Variants in ANO3 observed in about 807,000 individuals in gnomAD.
ANO3 encodes anoctamin-3.
A neutral mutation model predicts 144.8 loss-of-function variants in ANO3; 99 were observed. That is an observed-to-expected ratio of 0.68 (90% confidence interval 0.58 to 0.81). The LOEUF (loss-of-function observed/expected upper bound fraction) is 0.81, where lower values mean the gene tolerates loss of function less well. ANO3 is among the 30% of genes least tolerant of loss of function. The pLI, the probability that ANO3 is intolerant of heterozygous loss-of-function variation, is 0.00. For synonymous variants in ANO3, 414 were observed against 392.6 expected, an observed-to-expected ratio of 1.05 and a Z score of -0.64; for missense variants, 905 against 1,202.2, an observed-to-expected ratio of 0.75 and a Z score of 3.66.
At chr11:26,200,845 T>TA (rs1564914385) in intron 1 of ANO3, among the ~76,000 whole-genome samples, 1 of 152,170 alleles carries the variant, frequency 6.6e-6, no homozygotes, top group Non-Finnish European at 1.5e-5. Flanking sequence ...CAGAAATTTT[T>TA]AAAAAATTAT....
At chr11:26,243,593 C>T (rs998730217) in intron 1 of ANO3, among the ~76,000 whole-genome samples, 15 of 152,114 alleles carry the variant, frequency 9.9e-5, no homozygotes, top group African/African-American at 3.6e-4. Flanking sequence ...GAAAGTTCCC[C>T]ATTATGATTT....
chr11:26,630,635 C>A (rs1852746298), intron 18 of ANO3, among the ~76,000 whole-genome samples: 1 of 152,050 alleles, frequency 6.6e-6, no homozygotes. Context: ...AACTCTCTGC[C>A]CCTCATTGTT....
At chr11:26,387,134 T>C (rs67369685) in intron 1 of ANO3, among the ~76,000 whole-genome samples, 10 of 80,188 alleles carry the variant, frequency 1.2e-4, no homozygotes, top group African/African-American at 2.1e-4. Flanking sequence ...TGTAGTATTT[T>C]TTTTTTTTTT....
At chr11:26,468,586 A>G (rs1019456503) in intron 4 of ANO3, among the ~76,000 whole-genome samples, 3 of 151,992 alleles carry the variant, frequency 2.0e-5, no homozygotes, top group African/African-American at 7.2e-5. Flanking sequence ...GAAGGTGAGA[A>G]AGAGATAGCT....
intron 17 of ANO3, among the ~76,000 whole-genome samples, chr11:26,602,047 G>A (rs532751402): frequency 6.6e-6 from 1 of 152,238 alleles, no homozygotes; most frequent in African/African-American, 2.4e-5. Flanking sequence ...ACGTGAAATG[G>A]GATGGTACGT....
intron 1 of ANO3, among the ~76,000 whole-genome samples, chr11:26,197,773 G>A (rs891008509): frequency 2.0e-5 from 3 of 151,986 alleles, no homozygotes; most frequent in Non-Finnish European, 4.4e-5. Flanking sequence ...TTCCCCTACC[G>A]CTTCTTTCTA....
intron 1 of ANO3, among the ~76,000 whole-genome samples, chr11:26,271,216 A>G (rs987247831): frequency 6.6e-6 from 1 of 152,234 alleles, no homozygotes; most frequent in African/African-American, 2.4e-5. Flanking sequence ...GATTCCAGTA[A>G]GAAATGTGTT....
At chr11:26,506,122 TA>T (rs956333799) in intron 4 of ANO3, among the ~76,000 whole-genome samples, 22 of 152,138 alleles carry the variant, frequency 1.4e-4, no homozygotes, top group African/African-American at 5.3e-4. Flanking sequence ...AATCTGAATT[TA>T]ACTGTGCCTT....
At chr11:26,614,049 A>C (rs147249631) in intron 17 of ANO3, among the ~76,000 whole-genome samples, 1 of 152,198 alleles carries the variant, frequency 6.6e-6, no homozygotes, top group African/African-American at 2.4e-5. Flanking sequence ...ACATGCATGC[A>C]CTTGGGCCAG....
At chr11:26,527,965 C>T (rs994906908) in intron 7 of ANO3, among the ~76,000 whole-genome samples, 1 of 152,062 alleles carries the variant, frequency 6.6e-6, no homozygotes, top group Admixed American at 6.6e-5. Context: ...TTCCTTTGAC[C>T]CTTTAATCCA....
At chr11:26,560,085 T>A (rs993643912) in intron 14 of ANO3, 5 of 262,982 alleles carry the variant, frequency 1.9e-5, no homozygotes, top group African/African-American at 8.8e-5. Context: ...CAAATTAATC[T>A]TCTTATATTA....
At chr11:26,585,513 T>C (rs1019200742) in intron 14 of ANO3, among the ~76,000 whole-genome samples, 2 of 152,192 alleles carry the variant, frequency 1.3e-5, no homozygotes, top group African/African-American at 4.8e-5. Context: ...TGAGCCATTG[T>C]TCCTTTGCTC....
chr11:26,236,635 A>G lies in ANO3; in HGVS notation c.154+47305A>G, dbSNP rs377517743. 1.7e-3 allele frequency among the ~76,000 whole-genome samples: 257 copies of G among 152,002 alleles called. 3 individuals carry two copies. Among genetic ancestry groups the G allele is most frequent in the African/African-American group, 4.2e-3 (176 of 41,504 alleles). On this transcript the variant is annotated intron_variant, in intron 1 of 27. Coordinates refer to the ANO3 transcript ENST00000672621. Reference sequence around the variant, plus strand: ...AGACCAAGACCATCCTGGCTAACACAGTGAAACCCTGTCTCTACTAAAAAT... The same window carrying G: ...AGACCAAGACCATCCTGGCTAACACGGTGAAACCCTGTCTCTACTAAAAAT...
chr11:26,581,250 A>ACATT (rs1851120062), intron 14 of ANO3, among the ~76,000 whole-genome samples: 1 of 151,810 alleles, frequency 6.6e-6, no homozygotes, highest in South Asian at 2.1e-4. Context: ...AAACTCAAGG[A>ACATT]CATTGTAAGT....
At chr11:26,226,485 T>G (rs376698320) in intron 1 of ANO3, among the ~76,000 whole-genome samples, 22 of 152,212 alleles carry the variant, frequency 1.4e-4, no homozygotes, top group African/African-American at 5.3e-4. Context: ...ACCCATCTAG[T>G]GTCAATTTTT....
At chr11:26,319,900 G>A (rs945218358) in intron 1 of ANO3, among the ~76,000 whole-genome samples, 2 of 151,872 alleles carry the variant, frequency 1.3e-5, no homozygotes, top group African/African-American at 4.9e-5. Flanking sequence ...ACTATTTTAA[G>A]TATTGTAGAA....
At chr11:26,409,422 G>T (rs1298950059) in intron 1 of ANO3, among the ~76,000 whole-genome samples, 2 of 149,962 alleles carry the variant, frequency 1.3e-5, no homozygotes, top group African/African-American at 4.9e-5. Flanking sequence ...CTTTAGGGCT[G>T]GTGTCAGCTG....
intron 14 of ANO3, among the ~76,000 whole-genome samples, chr11:26,570,170 ATT>A (rs895767538): frequency 4.6e-5 from 7 of 151,974 alleles, no homozygotes; most frequent in African/African-American, 1.7e-4. Flanking sequence ...TTTAAAATAT[ATT>A]TTCATAGTGT....
At chr11:26,460,631 T>C (rs11820893) in intron 3 of ANO3, among the ~76,000 whole-genome samples, 106,189 of 151,780 alleles carry the variant, frequency 0.7, 38,324 homozygotes, top group Admixed American at 0.81. Context: ...TCAAAATTGA[T>C]TTAGCTTTCC....
Sources: allele counts gnomAD v4.1 joint callset (sites outside exome capture counted in the v4.1 genomes callset), GRCh38; gene constraint gnomAD v4.1.1; transcripts MANE v1.5; gene names NCBI Gene and HGNC (gene_info 2026-07-23, HGNC 2026-07-21).